Variants in LINGO2 observed in about 807,000 individuals in gnomAD.
The protein encoded by LINGO2 is leucine-rich repeat and immunoglobulin-like domain-containing nogo receptor-interacting protein 2.
A neutral mutation model predicts 30.6 loss-of-function variants in LINGO2; 14 were observed. The ratio of observed to expected loss-of-function variants is 0.46; its 90% confidence interval spans 0.30 to 0.72. LINGO2 has a LOEUF of 0.72. LINGO2 is among the 30% of genes least tolerant of loss of function. LINGO2 has a pLI of 0.07. For synonymous variants in LINGO2, 317 were observed against 288.5 expected, an observed-to-expected ratio of 1.10 and a Z score of -1.00; for missense variants, 729 against 751.7, an observed-to-expected ratio of 0.97 and a Z score of 0.35.
chr9:28,704,603 T>A, the LINGO2 span, among the ~76,000 whole-genome samples: 1 of 152,052 alleles, frequency 6.6e-6, no homozygotes, highest in Non-Finnish European at 1.5e-5. Context: ...TTTCAGTCTT[T>A]CAGTTTTTCA....
intron 5 of LINGO2, among the ~76,000 whole-genome samples, chr9:28,007,928 T>G (rs538868811): frequency 6.6e-6 from 1 of 152,286 alleles, no homozygotes; most frequent in South Asian, 2.1e-4. Flanking sequence ...GTTCAAAAAG[T>G]TCAGCAGGTG....
At chr9:28,855,466 C>T in the LINGO2 span, among the ~76,000 whole-genome samples, 6 of 151,954 alleles carry the variant, frequency 3.9e-5, no homozygotes, top group African/African-American at 2.4e-5. Context: ...AAAATGCAGA[C>T]ACCCCACATT....
chr9:28,903,162 T>C, the LINGO2 span, among the ~76,000 whole-genome samples: 2 of 151,252 alleles, frequency 1.3e-5, no homozygotes, highest in African/African-American at 4.9e-5. Flanking sequence ...AAGATTCAAA[T>C]AAATAAAATC....
chr9:28,526,445 T>C (rs956629419), intron 1 of LINGO2, among the ~76,000 whole-genome samples: 1 of 152,178 alleles, frequency 6.6e-6, no homozygotes, highest in African/African-American at 2.4e-5. Context: ...AGAAATGTAT[T>C]AGCCTTTCTG....
intron 2 of LINGO2, among the ~76,000 whole-genome samples, chr9:28,412,536 C>T (rs1002824108): frequency 6.6e-6 from 1 of 151,856 alleles, no homozygotes; most frequent in Admixed American, 6.6e-5. Context: ...AAGTTTCTTC[C>T]CAAATCTGAT....
intron 3 of LINGO2, among the ~76,000 whole-genome samples, chr9:28,308,861 G>A (rs1410526382): frequency 6.6e-6 from 1 of 152,156 alleles, no homozygotes; most frequent in Admixed American, 6.5e-5. Flanking sequence ...TCAGAGAAAT[G>A]CAAATCAAAA....
intron 4 of LINGO2, among the ~76,000 whole-genome samples, chr9:28,162,721 G>A (rs552144181): frequency 1.5e-4 from 23 of 152,166 alleles, no homozygotes; most frequent in South Asian, 6.2e-4. Flanking sequence ...CTGGGAGATG[G>A]TTGCATGATG....
chr9:28,032,882 T>C lies in LINGO2; in HGVS notation c.-86-20477A>G, dbSNP rs1293003770. On this transcript the variant is annotated intron_variant, in intron 4 of 5. Coordinates refer to ENST00000379992, the Ensembl canonical transcript of LINGO2. ...AAGGGATACAATTTTAAAATAAAGT[T>C]TTCCATCAGGCGGCTGCCTTCTTTT... Among the ~76,000 whole-genome samples the C allele has an allele frequency of 2.6e-5, 4 of 152,188 alleles. No homozygotes were observed. In the South Asian group the frequency reaches 8.3e-4, roughly 32 times the overall value.
At chr9:28,744,605 C>T in the LINGO2 span, among the ~76,000 whole-genome samples, 1 of 115,412 alleles carries the variant, frequency 8.7e-6, no homozygotes, top group Non-Finnish European at 1.8e-5. Context: ...TCAGATATTC[C>T]CCTCGTGTGT....
At chr9:27,952,959 T>C (rs1197274433) in intron 5 of LINGO2, among the ~76,000 whole-genome samples, 1 of 152,044 alleles carries the variant, frequency 6.6e-6, no homozygotes, top group Non-Finnish European at 1.5e-5. Flanking sequence ...GAGAATATAT[T>C]TAAAACATAT....
chr9:29,200,026 A>G, the LINGO2 span, among the ~76,000 whole-genome samples: 36 of 152,236 alleles, frequency 2.4e-4, no homozygotes, highest in East Asian at 4.8e-3. Flanking sequence ...ACATATCACC[A>G]AGAGAATCTC....
intron 1 of LINGO2, among the ~76,000 whole-genome samples, chr9:28,483,682 T>C (rs1308673785): frequency 6.6e-6 from 1 of 152,114 alleles, no homozygotes; most frequent in Non-Finnish European, 1.5e-5. Context: ...ATTATATATG[T>C]TGTCTCACTG....
intron 4 of LINGO2, among the ~76,000 whole-genome samples, chr9:28,172,735 T>A: frequency 6.7e-6 from 1 of 150,354 alleles, no homozygotes; most frequent in East Asian, 2.0e-4. Flanking sequence ...ATTTTCTCAA[T>A]TTTTTTTTTC....
intron 4 of LINGO2, among the ~76,000 whole-genome samples, chr9:28,292,727 G>C (rs1208203033): frequency 6.6e-6 from 1 of 151,948 alleles, no homozygotes; most frequent in East Asian, 1.9e-4. Context: ...GTCTCCCAAA[G>C]TGCTAGGATT....
chr9:28,345,185 G>T (rs56855717), intron 3 of LINGO2, among the ~76,000 whole-genome samples: 1 of 151,944 alleles, frequency 6.6e-6, no homozygotes. Context: ...AAACCATGTA[G>T]CACCCAACAG....
At chr9:29,120,204 C>A in the LINGO2 span, among the ~76,000 whole-genome samples, 2 of 152,108 alleles carry the variant, frequency 1.3e-5, no homozygotes, top group Admixed American at 1.3e-4. Context: ...CACTGTGAGA[C>A]CCTGGCAGTA....
chr9:28,703,606 A>G, the LINGO2 span, among the ~76,000 whole-genome samples: 2 of 151,824 alleles, frequency 1.3e-5, no homozygotes, highest in Non-Finnish European at 2.9e-5. Context: ...ATCAATTACA[A>G]GTGATTAATT....
chr9:28,953,172 G>A, the LINGO2 span, among the ~76,000 whole-genome samples: 1 of 152,246 alleles, frequency 6.6e-6, no homozygotes, highest in South Asian at 2.1e-4. Flanking sequence ...AGAGAGGCAT[G>A]ATTGAATTGA....
the LINGO2 span, among the ~76,000 whole-genome samples, chr9:29,073,681 ATAC>A: frequency 1.3e-5 from 2 of 152,166 alleles, no homozygotes; most frequent in Non-Finnish European, 2.9e-5. Context: ...CATACTCGAA[ATAC>A]TACTGTCCAG....
Sources: gnomAD v4.1 joint callset for allele counts (sites outside exome capture counted in the v4.1 genomes callset) on GRCh38, gnomAD v4.1.1 for gene constraint, MANE v1.5 for transcripts, NCBI Gene and HGNC (gene_info 2026-07-23, HGNC 2026-07-21) for gene names.